The following TXLNA variants were observed in gnomAD, a reference collection of about 807,000 sequenced individuals.
TXLNA encodes the protein alpha-taxilin.
Under a neutral mutation model 61.4 loss-of-function variants are expected in TXLNA, and 9 were observed. The observed-to-expected ratio is 0.15, with a 90% confidence interval of 0.09 to 0.26. The LOEUF (loss-of-function observed/expected upper bound fraction) is 0.26, where lower values mean the gene tolerates loss of function less well. Ranked by LOEUF, TXLNA falls within the 10% of genes least tolerant of loss-of-function variation. The probability of loss-of-function intolerance (pLI) is 1.00; values close to 1 mark genes in which losing one functional copy is unlikely to be tolerated. For missense variants in TXLNA, 565 were observed against 688.8 expected (o/e 0.82, Z 2.01); for synonymous variants, 257 against 267.7 (o/e 0.96, Z 0.39).
At chr1:32,180,265 G>A in intron 1 of TXLNA, 49 bp from the exon 2 acceptor site, 1 of 1,479,048 alleles carries the variant, frequency 6.8e-7, no homozygotes, top group South Asian at 1.4e-5. Context: ...GATCCAGGCT[G>A]CGAAGAATTT....
rs112648110 is a variant in TXLNA, at chr1:32,195,977, C to CTTTTTTTTTTTTTTTTTTT, written c.*797_*798insTTTTTTTTTTTTTTTTTTT. On this transcript the variant is annotated 3_prime_UTR_variant, in exon 11 of 11. Transcript: ENST00000373610. ...GGTGTTTTTTTCTTTATTTCTTTTTCTTTTTTTTTTTTTTTCTTTTTCTTT... is the reference window on the plus strand; with the variant it reads ...GGTGTTTTTTTCTTTATTTCTTTTTCTTTTTTTTTTTTTTTTTTTTTTTTTTTTTTTTTTCTTTTTCTTT... 11 of 154,396 alleles carry CTTTTTTTTTTTTTTTTTTT rather than the reference C, an allele frequency of 7.1e-5. No homozygotes were observed. Among genetic ancestry groups the CTTTTTTTTTTTTTTTTTTT allele is most frequent in the South Asian group, 2.2e-4 (2 of 9,284 alleles). 9.6% of individuals were successfully genotyped at this position (154,396 alleles called of 1,614,324 possible).
chr1:32,190,925 T>C (rs2124156595), intron 6 of TXLNA, among the ~76,000 whole-genome samples: 1 of 152,174 alleles, frequency 6.6e-6, no homozygotes, highest in Non-Finnish European at 1.5e-5. Flanking sequence ...AAACCCTGTC[T>C]CTACTAAAAA....
chr1:32,190,062 G>A lies in TXLNA; in HGVS notation c.776G>A (p.Gly259Asp). The A allele has an allele frequency of 6.4e-7, 1 of 1,571,314 alleles. No homozygotes were observed. Among genetic ancestry groups the A allele is most frequent in the Non-Finnish European group, 8.6e-7 (1 of 1,157,018 alleles). The change falls in exon 6 of 11, where the codon GGT becomes GAT. Residue 259 changes from glycine to aspartate, a missense_variant. This residue lies in a region of TXLNA where 373 missense variants were observed against 504.0 expected (regional missense o/e 0.74). Transcript: ENST00000373610. ...QRHNRSLKEE[G>D]VQRAREEEEK... is the part of the protein sequence containing the mutation. ...GCTGACTTCTTTGCCCAGGAAGAAGGTGTGCAGCGGGCCCGGGAGGAGGAG... is the reference window on the plus strand; with the variant it reads ...GCTGACTTCTTTGCCCAGGAAGAAGATGTGCAGCGGGCCCGGGAGGAGGAG...
At position 32,190,194 on chromosome 1, in the gene TXLNA, T is replaced by C. The variant is rs1642875247; in HGVS notation, c.908T>C (p.Met303Thr). Residue 303 changes from methionine to threonine, a missense_variant, in exon 6 of 11, where the codon ATG (methionine) becomes ACG (threonine). Transcript: ENST00000373610. ...ERNSKLRQEN[M>T]ELAERLKKLI... ...AACTCCAAGCTGCGCCAAGAGAACA[T>C]GGAGCTGGCTGAGAGGCTCAAGAAG... 6.2e-7 allele frequency: 1 copy of C among 1,605,110 alleles called. No homozygotes were observed. Among genetic ancestry groups the C allele is most frequent in the Non-Finnish European group, 8.5e-7 (1 of 1,175,602 alleles).
At chr1:32,183,249 G>T (rs951058373) in intron 3 of TXLNA, among the ~76,000 whole-genome samples, 2 of 149,122 alleles carry the variant, frequency 1.3e-5, no homozygotes, top group African/African-American at 2.5e-5. Flanking sequence ...TCAGCCTCCC[G>T]AGTAGCTGGG....
Position 32,192,300 on chromosome 1 carries a change from C to G in TXLNA, c.964-11C>G. Reference sequence around the variant, plus strand: ...CTGACAAGCCGACTGCTCCCACCATCTTTGTTGCAGCATATCGACAAAGTC... The same window carrying G: ...CTGACAAGCCGACTGCTCCCACCATGTTTGTTGCAGCATATCGACAAAGTC... On this transcript the variant is annotated splice_polypyrimidine_tract_variant and intron_variant, in intron 6 of 10. Transcript: ENST00000373610. The surrounding 1 kb of genome is among the most constrained non-coding windows in gnomAD (Gnocchi z 4.2). The G allele has an allele frequency of 1.2e-6, 2 of 1,613,074 alleles. No homozygotes were observed. Among genetic ancestry groups the G allele is most frequent in the African/African-American group, 1.3e-5 (1 of 75,052 alleles).
In TXLNA at chr1:32,188,079, T is replaced by C; in HGVS notation, c.723T>C (p.Leu241=). The stretch of plus-strand genomic sequence containing the variant: ...AGGCCGTCCTGGCCCGCAGCAAGCT[T>C]GAGAGCCTATGCCGTGAGCTGCAGC... ...HSKAVLARSK[L]ESLCRELQRH... Residue 241 remains leucine (L), a synonymous_variant, in exon 5 of 11, where the codon CTT becomes CTC. Transcript: ENST00000373610. 6.3e-7 allele frequency: 1 copy of C among 1,586,462 alleles called. No homozygotes were observed. The highest frequency in any genetic ancestry group is 8.6e-7 in the Non-Finnish European group (1 of 1,165,658).
At chr1:32,181,904 C>T (rs1642671525) in intron 3 of TXLNA, among the ~76,000 whole-genome samples, 1 of 152,136 alleles carries the variant, frequency 6.6e-6, no homozygotes, top group Admixed American at 6.5e-5. Flanking sequence ...TGTCCCTTCT[C>T]CTCTCTGGGT....
intron 6 of TXLNA, among the ~76,000 whole-genome samples, chr1:32,191,958 C>T (rs1467816874): frequency 1.3e-5 from 2 of 152,250 alleles, no homozygotes; most frequent in Non-Finnish European, 2.9e-5. Flanking sequence ...TGTTTTTGCC[C>T]ATTCTTCCCA....
rs112648110 is a variant in TXLNA at position 32,195,977 on chromosome 1, C to CTTTTTTTTTTTTTTTTT, written c.*797_*798insTTTTTTTTTTTTTTTTT. ...GGTGTTTTTTTCTTTATTTCTTTTT[C>CTTTTTTTTTTTTTTTTT]TTTTTTTTTTTTTTTCTTTTTCTTT... On this transcript the variant is annotated 3_prime_UTR_variant, in exon 11 of 11. Coordinates refer to ENST00000373610, the MANE Select transcript of TXLNA (RefSeq NM_175852.4). 1.3e-5 allele frequency: 2 copies of CTTTTTTTTTTTTTTTTT among 154,414 alleles called. No homozygotes were observed. Among genetic ancestry groups the CTTTTTTTTTTTTTTTTT allele is most frequent in the African/African-American group, 2.7e-5 (1 of 37,074 alleles). The allele number at this position is 154,414 out of a possible 1,614,324, so 9.6% of individuals were successfully genotyped here.
intron 5 of TXLNA, 96 bp from the exon 6 acceptor site, chr1:32,189,959 A>C (rs1642868854): frequency 7.6e-7 from 1 of 1,310,462 alleles, no homozygotes; most frequent in Non-Finnish European, 1.0e-6. Context: ...CTTTGGGAGC[A>C]GGGAGGGCTG....
rs112648110 is a variant in TXLNA, at chr1:32,195,977, CTTTTTTTT to C, written c.*790_*797del. On this transcript the variant is annotated 3_prime_UTR_variant, in exon 11 of 11. Coordinates refer to ENST00000373610, the MANE Select transcript of TXLNA (RefSeq NM_175852.4). ...GGTGTTTTTTTCTTTATTTCTTTTT[CTTTTTTTT>C]TTTTTTTCTTTTTCTTTTTTTTTTG... 6.5e-6 allele frequency: 1 copy of C among 154,416 alleles called. No homozygotes were observed. Among genetic ancestry groups the C allele is most frequent in the African/African-American group, 2.7e-5 (1 of 37,074 alleles). 9.6% of individuals were successfully genotyped at this position (154,416 alleles called of 1,614,324 possible). A position where few individuals can be genotyped will look rare whatever the true frequency, so the allele number is the denominator to read the frequency against.
At chr1:32,185,678 G>T (rs1642774359) in intron 4 of TXLNA, among the ~76,000 whole-genome samples, 1 of 149,268 alleles carries the variant, frequency 6.7e-6, no homozygotes, top group African/African-American at 2.5e-5. Flanking sequence ...GGGATTACAG[G>T]CTTGAGCCAC....
At chr1:32,193,718 C>CT (rs370847797) in intron 9 of TXLNA, among the ~76,000 whole-genome samples, 43 of 147,776 alleles carry the variant, frequency 2.9e-4, no homozygotes, top group Admixed American at 6.8e-4. Flanking sequence ...TTTTTTCTTT[C>CT]TTTTTTTTTT....
chr1:32,187,565 GGTCT>G (rs1377888845), intron 4 of TXLNA, among the ~76,000 whole-genome samples: 1 of 152,158 alleles, frequency 6.6e-6, no homozygotes, highest in Non-Finnish European at 1.5e-5. Context: ...GAGCGATGGG[GGTCT>G]GTCTGTTAAT....
intron 4 of TXLNA, among the ~76,000 whole-genome samples, chr1:32,185,356 GTGTATGTATGTA>G (rs543538012): frequency 3.2e-4 from 49 of 151,044 alleles, no homozygotes; most frequent in Non-Finnish European, 6.0e-4. Flanking sequence ...GTCACAGCCT[GTGTATGTATGTA>G]TGTATGTATG....
At chr1:32,194,289 C>G (rs938145840) in intron 10 of TXLNA, 129 bp downstream of exon 10, 4 of 763,278 alleles carry the variant, frequency 5.2e-6, no homozygotes, top group Admixed American at 2.4e-5. Context: ...ACACAATGTC[C>G]AAGTCCAAAG....
chr1:32,192,029 G>A lies in TXLNA; in HGVS notation c.964-282G>A, dbSNP rs1401500046. ...TCCAGCCCCATAGGTGATCAATCCT[G>A]GGGTCAGAGATTTGAGTGTGTTTAT... On this transcript the variant is annotated intron_variant, in intron 6 of 10. Transcript: ENST00000373610. This position sits in a 1 kb window ranked among gnomAD's most constrained non-coding sequence, Gnocchi z 4.2. Among the ~76,000 whole-genome samples, 1 of 152,236 alleles carries A rather than the reference G, an allele frequency of 6.6e-6. No individual in the cohort carries two copies.
intron 5 of TXLNA, among the ~76,000 whole-genome samples, chr1:32,189,541 CTTTT>C (rs760315096): frequency 1.4e-5 from 2 of 144,004 alleles, no homozygotes; most frequent in South Asian, 2.2e-4. Flanking sequence ...TTTTTTCTTC[CTTTT>C]TTTTTTTTTG....
Sources: allele counts gnomAD v4.1 joint callset (sites outside exome capture counted in the v4.1 genomes callset), GRCh38; gene constraint gnomAD v4.1.1; regional missense constraint gnomAD v4.1.1; non-coding constraint Gnocchi (gnomAD v3.1); transcripts MANE v1.5; gene names NCBI Gene and HGNC (gene_info 2026-07-23, HGNC 2026-07-21).